CLVS1: variants seen among roughly 807,000 people sequenced by gnomAD.
The protein encoded by CLVS1 is clavesin-1.
A neutral mutation model predicts 33.1 loss-of-function variants in CLVS1; 10 were observed. That is an observed-to-expected ratio of 0.30 (90% CI 0.19 to 0.51). CLVS1 has a LOEUF of 0.51. CLVS1 is among the 20% of genes least tolerant of loss of function. The pLI, the probability that CLVS1 is intolerant of heterozygous loss-of-function variation, is 0.97. For missense variants in CLVS1, 343 were observed against 433.4 expected (o/e 0.79, Z 1.85); for synonymous variants, 163 against 166.1 (o/e 0.98, Z 0.14).
intron 1 of CLVS1, among the ~76,000 whole-genome samples, chr8:61,130,816 G>A (rs544994119): frequency 1.2e-4 from 18 of 152,176 alleles, no homozygotes; most frequent in Non-Finnish European, 2.1e-4. Context: ...GAAGATTGCT[G>A]CCAGAGGCTC....
chr8:60,984,034 G>A, the CLVS1 span, among the ~76,000 whole-genome samples: 2 of 152,158 alleles, frequency 1.3e-5, no homozygotes, highest in Non-Finnish European at 2.9e-5. Flanking sequence ...TGGGTTGGCT[G>A]CAGCCCCAGC....
chr8:61,421,854 A>G (rs1450135906), intron 3 of CLVS1, among the ~76,000 whole-genome samples: 1 of 152,086 alleles, frequency 6.6e-6, no homozygotes, highest in African/African-American at 2.4e-5. Flanking sequence ...CGTGCTAGGA[A>G]CCTTCATTCT....
chr8:61,274,456 T>G (rs1809525638), intron 2 of CLVS1, among the ~76,000 whole-genome samples: 1 of 152,190 alleles, frequency 6.6e-6, no homozygotes, highest in South Asian at 2.1e-4. Context: ...TAACCAAGGA[T>G]GTACTTAATT....
chr8:61,139,771 G>T (rs1352685234), intron 2 of CLVS1, among the ~76,000 whole-genome samples: 1 of 152,060 alleles, frequency 6.6e-6, no homozygotes, highest in African/African-American at 2.4e-5. Flanking sequence ...GGGATGTTTG[G>T]AGTTTTCTTT....
At chr8:61,141,405 A>G (rs917577243) in intron 2 of CLVS1, among the ~76,000 whole-genome samples, 3 of 152,192 alleles carry the variant, frequency 2.0e-5, no homozygotes, top group Non-Finnish European at 4.4e-5. Flanking sequence ...TGTTATGTGC[A>G]TACACACACA....
chr8:61,201,188 C>G (rs995439272), intron 2 of CLVS1, among the ~76,000 whole-genome samples: 2 of 152,116 alleles, frequency 1.3e-5, no homozygotes, highest in Non-Finnish European at 2.9e-5. Flanking sequence ...TATCTCTTAT[C>G]ATCTAAGGGT....
chr8:61,376,556 A>G (rs1813652976), intron 2 of CLVS1, 49 bp from the exon 3 acceptor site: 4 of 1,573,310 alleles, frequency 2.5e-6, no homozygotes, highest in South Asian at 1.2e-5. Context: ...GCAACATGCT[A>G]TCACCTGCTC....
intron 3 of CLVS1, among the ~76,000 whole-genome samples, chr8:61,428,957 G>T (rs1461798102): frequency 6.6e-6 from 1 of 152,182 alleles, no homozygotes; most frequent in Non-Finnish European, 1.5e-5. Context: ...GTATGTGTAT[G>T]TGTGTCTTAG....
intron 5 of CLVS1, among the ~76,000 whole-genome samples, chr8:61,485,722 T>G (rs13269843): frequency 0.54 from 81,842 of 152,088 alleles, 26,182 homozygotes; most frequent in Non-Finnish European, 0.71. Context: ...TAGATTGGAT[T>G]AAGAAAATGT....
intron 3 of CLVS1, chr8:61,377,933 G>A (rs1251996454): frequency 2.0e-5 from 3 of 152,040 alleles, no homozygotes; most frequent in Admixed American, 1.3e-4. Flanking sequence ...GCTTTTGAAT[G>A]TACAGACTAC....
intron 2 of CLVS1, among the ~76,000 whole-genome samples, chr8:61,246,447 G>C (rs1808812509): frequency 6.6e-6 from 1 of 151,584 alleles, no homozygotes; most frequent in Admixed American, 6.6e-5. Context: ...TGGGATTACA[G>C]GTGTGAGCCA....
At chr8:61,267,348 T>C (rs1050319155) in intron 2 of CLVS1, among the ~76,000 whole-genome samples, 3 of 152,214 alleles carry the variant, frequency 2.0e-5, no homozygotes, top group African/African-American at 7.2e-5. Context: ...AAATTTGTGT[T>C]GTGTTCCTGG....
chr8:61,491,930 T>C (rs1220428357), intron 5 of CLVS1, among the ~76,000 whole-genome samples: 1 of 152,182 alleles, frequency 6.6e-6, no homozygotes, highest in East Asian at 1.9e-4. Flanking sequence ...ACAGTGATAC[T>C]AAGGACATGG....
intron 1 of CLVS1, among the ~76,000 whole-genome samples, chr8:61,124,171 C>T (rs1429425669): frequency 1.3e-5 from 2 of 152,182 alleles, no homozygotes; most frequent in South Asian, 4.1e-4. Context: ...GATTATACTT[C>T]ATGTTCAAAT....
At chr8:60,976,577 C>T in the CLVS1 span, among the ~76,000 whole-genome samples, 8 of 152,190 alleles carry the variant, frequency 5.3e-5, no homozygotes, top group Admixed American at 1.3e-4. Flanking sequence ...CATGGGAAGA[C>T]GGTGGAGTAG....
At chr8:61,297,143 T>G (rs1289681633) in intron 1 of CLVS1, among the ~76,000 whole-genome samples, 1 of 151,476 alleles carries the variant, frequency 6.6e-6, no homozygotes, top group Non-Finnish European at 1.5e-5. Context: ...ATCTGGAGAG[T>G]AAAGAGACCA....
chr8:61,275,415 A>G (rs1383680025), intron 2 of CLVS1, among the ~76,000 whole-genome samples: 1 of 152,180 alleles, frequency 6.6e-6, no homozygotes, highest in Non-Finnish European at 1.5e-5. Flanking sequence ...TGTTTCACAC[A>G]CAGTTTACCT....
At chr8:61,388,185 T>A (rs1325812043) in intron 3 of CLVS1, among the ~76,000 whole-genome samples, 1 of 151,872 alleles carries the variant, frequency 6.6e-6, no homozygotes, top group Admixed American at 6.5e-5. Context: ...AGAGATACTA[T>A]GTACCAGTGA....
chr8:61,307,961 A>G (rs1462847883), intron 2 of CLVS1, among the ~76,000 whole-genome samples: 1 of 152,202 alleles, frequency 6.6e-6, no homozygotes, highest in Non-Finnish European at 1.5e-5. Flanking sequence ...TGTTCCTAAA[A>G]TATCAAATTT....
Sources: gnomAD v4.1 joint callset for allele counts (sites outside exome capture counted in the v4.1 genomes callset) on GRCh38, gnomAD v4.1.1 for gene constraint, MANE v1.5 for transcripts, NCBI Gene and HGNC (gene_info 2026-07-23, HGNC 2026-07-21) for gene names.